The following FOXP2 variants were observed in gnomAD, a reference collection of about 807,000 sequenced individuals.
FOXP2 encodes forkhead box P2, also known as forkhead box protein P2.
Under a neutral mutation model 115.8 loss-of-function variants are expected in FOXP2, and 12 were observed. That is an observed-to-expected ratio of 0.10 (90% CI 0.07 to 0.17). The LOEUF is 0.17. Ranked by LOEUF, FOXP2 falls within the 10% of genes least tolerant of loss-of-function variation. FOXP2 has a pLI of 1.00. For missense variants in FOXP2, 629 were observed against 843.5 expected (o/e 0.75, Z 3.15); for synonymous variants, 328 against 297.7 (o/e 1.10, Z -1.05).
chr7:114,325,387 T>TA (rs1425536532), intron 2 of FOXP2, among the ~76,000 whole-genome samples: 1 of 151,884 alleles, frequency 6.6e-6, no homozygotes. Context: ...ATTTTTTCTC[T>TA]AAAAAATGTA....
chr7:114,191,598 CTTTTTT>C (rs1793762973), intron 1 of FOXP2, among the ~76,000 whole-genome samples: 1 of 152,120 alleles, frequency 6.6e-6, no homozygotes, highest in African/African-American at 2.4e-5. Flanking sequence ...TAACTTCTTT[CTTTTTT>C]GACTAGTGGG....
At chr7:114,285,607 C>T (rs545438641) in intron 1 of FOXP2, among the ~76,000 whole-genome samples, 5 of 152,060 alleles carry the variant, frequency 3.3e-5, no homozygotes, top group Non-Finnish European at 7.4e-5. Flanking sequence ...CTTTTGTTAG[C>T]AGTAAACAAG....
chr7:114,423,861 G>A (rs1279492399), intron 1 of FOXP2, among the ~76,000 whole-genome samples: 1 of 151,352 alleles, frequency 6.6e-6, no homozygotes, highest in South Asian at 2.1e-4. Flanking sequence ...CATACTCCAA[G>A]CTTTTTTAAG....
At chr7:114,488,407 T>A (rs531026946) in intron 2 of FOXP2, among the ~76,000 whole-genome samples, 1 of 152,260 alleles carries the variant, frequency 6.6e-6, no homozygotes, top group Non-Finnish European at 1.5e-5. Flanking sequence ...TACTTATACT[T>A]TTTGTTGGTC....
chr7:114,519,624 A>G (rs1798513186), intron 2 of FOXP2, among the ~76,000 whole-genome samples: 1 of 152,144 alleles, frequency 6.6e-6, no homozygotes, highest in Non-Finnish European at 1.5e-5. Flanking sequence ...GTAAATGAAG[A>G]TAATTACAAG....
In FOXP2 at chr7:114,297,078, C is replaced by T. The variant is rs117183067; in HGVS notation, c.-11+8969C>T. 3,607 of 410,802 alleles carry T rather than the reference C, an allele frequency of 8.8e-3. 33 individuals are homozygous for T. Among genetic ancestry groups the T allele is most frequent in the Middle Eastern group, 0.028 (35 of 1,248 alleles). The allele number at this position is 410,802 out of a possible 1,614,324, so 25.4% of individuals were successfully genotyped here. On this transcript the variant is annotated intron_variant, in intron 2 of 17. Coordinates refer to the FOXP2 transcript ENST00000634411. ...CATTTTTTTTTTTCCTGTCAAGCTGCCCTTTATTTCAGGGAGAGGGCAGGG... is the reference window on the plus strand; with the variant it reads ...CATTTTTTTTTTTCCTGTCAAGCTGTCCTTTATTTCAGGGAGAGGGCAGGG...
chr7:114,356,703 TA>T (rs1274803812), intron 2 of FOXP2, among the ~76,000 whole-genome samples: 3 of 152,182 alleles, frequency 2.0e-5, no homozygotes, highest in Non-Finnish European at 2.9e-5. Flanking sequence ...TCAATTAAAC[TA>T]CTACAACAGA....
intron 3 of FOXP2, among the ~76,000 whole-genome samples, chr7:114,568,792 T>C (rs954076073): frequency 7.9e-5 from 12 of 151,942 alleles, no homozygotes; most frequent in Non-Finnish European, 1.5e-5. Context: ...ATAGTATTTT[T>C]ATTTATTTTT....
intron 2 of FOXP2, among the ~76,000 whole-genome samples, chr7:114,363,884 A>T (rs746618893): frequency 6.6e-6 from 1 of 152,128 alleles, no homozygotes; most frequent in Non-Finnish European, 1.5e-5. Flanking sequence ...TAAGCGCTAG[A>T]CTTGCTGTTC....
rs149953772 is a variant in FOXP2 at position 114,470,203 on chromosome 7, G to A, written c.168+43524G>A. 3.5e-3 allele frequency among the ~76,000 whole-genome samples: 531 copies of A among 152,168 alleles called. 3 individuals carry two copies. The highest frequency in any genetic ancestry group is 0.01 in the Middle Eastern group (3 of 294). ...ACTCATTTCACAATATTCTCCCATT[G>A]CTCTCTTAGCTGCAACTTGCCTTAC... On this transcript the variant is annotated intron_variant, in intron 2 of 16. Coordinates refer to ENST00000350908, the MANE Select transcript of FOXP2 (RefSeq NM_014491.4).
In FOXP2 at chr7:114,552,637, T is replaced by C. The variant is rs548911994; in HGVS notation, c.258+17931T>C. Among the ~76,000 whole-genome samples, 4 of 152,268 alleles carry C rather than the reference T, an allele frequency of 2.6e-5. No homozygotes were observed. In the South Asian group the frequency reaches 8.3e-4, roughly 32 times the overall value. On this transcript the variant is annotated intron_variant, in intron 3 of 16. Coordinates refer to ENST00000350908, the MANE Select transcript of FOXP2 (RefSeq NM_014491.4). ...TATTCAGGTTAAAATATTCTGATAC[T>C]CGAAGAAAAAGTGAAATTTGTTGTT...
intron 1 of FOXP2, among the ~76,000 whole-genome samples, chr7:114,090,014 G>A (rs1304731743): frequency 6.6e-6 from 1 of 151,838 alleles, no homozygotes; most frequent in Non-Finnish European, 1.5e-5. Flanking sequence ...TACATAAAAG[G>A]GATTTTATTT....
chr7:114,114,266 TAC>T (rs1035197135), intron 1 of FOXP2, among the ~76,000 whole-genome samples: 50 of 150,598 alleles, frequency 3.3e-4, no homozygotes, highest in African/African-American at 1.0e-3. Flanking sequence ...TATGTGTATA[TAC>T]ACACACACAC....
At chr7:114,384,123 C>T (rs77265909) in intron 2 of FOXP2, among the ~76,000 whole-genome samples, 8,065 of 151,944 alleles carry the variant, frequency 0.053, 683 homozygotes, top group East Asian at 0.32. Flanking sequence ...TTACGCTCGC[C>T]GATGTAGCAG....
rs1410827464 is a variant in FOXP2 at position 114,692,232 on chromosome 7, G to A, written c.*2306G>A. On this transcript the variant is annotated 3_prime_UTR_variant, in exon 17 of 17. Transcript: ENST00000350908. ...GCGAGAGTTGTACCATCAGAAGGGT[G>A]GCCTAAGACTACAATGCTAAAGTAT... 1 of 453,868 alleles carries A rather than the reference G, an allele frequency of 2.2e-6. No homozygotes were observed. Among genetic ancestry groups the A allele is most frequent in the Non-Finnish European group, 4.4e-6 (1 of 226,698 alleles). The allele number at this position is 453,868 out of a possible 1,614,324, so 28.1% of individuals were successfully genotyped here. A position where few individuals can be genotyped will look rare whatever the true frequency, so the allele number is the denominator to read the frequency against.
intron 16 of FOXP2, among the ~76,000 whole-genome samples, chr7:114,675,421 G>T (rs1015411147): frequency 6.6e-6 from 1 of 152,058 alleles, no homozygotes; most frequent in Non-Finnish European, 1.5e-5. Flanking sequence ...GAAAACAAAA[G>T]TTAAGCTCAG....
chr7:114,626,091 ATG>A (rs1248753964), intron 3 of FOXP2, among the ~76,000 whole-genome samples: 1 of 151,860 alleles, frequency 6.6e-6, no homozygotes, highest in East Asian at 1.9e-4. Context: ...TTTAAAACAT[ATG>A]ATCTTAAGAA....
intron 2 of FOXP2, among the ~76,000 whole-genome samples, chr7:114,530,109 G>A (rs1799069226): frequency 6.6e-6 from 1 of 151,786 alleles, no homozygotes; most frequent in African/African-American, 2.4e-5. Context: ...TACACCCCTT[G>A]TCAGTATAAC....
chr7:114,573,165 G>A (rs1419367852), intron 3 of FOXP2, among the ~76,000 whole-genome samples: 1 of 151,772 alleles, frequency 6.6e-6, no homozygotes, highest in Admixed American at 6.6e-5. Flanking sequence ...CTTGGTCATT[G>A]AGTGACTTTA....
Sources: allele counts gnomAD v4.1 joint callset (sites outside exome capture counted in the v4.1 genomes callset), GRCh38; gene constraint gnomAD v4.1.1; transcripts MANE v1.5; gene names NCBI Gene and HGNC (gene_info 2026-07-23, HGNC 2026-07-21).